PATZ1: variants seen among roughly 807,000 people sequenced by gnomAD.
The protein encoded by PATZ1 is POZ/BTB and AT hook containing zinc finger 1, also known as POZ-, AT hook-, and zinc finger-containing protein 1.
PATZ1 carries 9 observed loss-of-function variants against 46.2 expected under a neutral mutation model. The observed-to-expected ratio is 0.19, with a 90% CI of 0.12 to 0.34. The LOEUF is 0.34. Among genes scored for constraint, PATZ1 ranks in the 10% least tolerant of loss-of-function variants. The probability of loss-of-function intolerance (pLI) is 1.00; values close to 1 mark genes in which losing one functional copy is unlikely to be tolerated. For missense variants in PATZ1, 632 were observed against 923.0 expected (o/e 0.68, Z 4.08); for synonymous variants, 426 against 378.6 (o/e 1.13, Z -1.45).
chr22:31,339,277 G>A (rs1273435021), intron 2 of PATZ1, among the ~76,000 whole-genome samples: 4 of 152,136 alleles, frequency 2.6e-5, no homozygotes, highest in Non-Finnish European at 4.4e-5. Context: ...ATCTGCTGCT[G>A]GGGGAAAAAA....
At chr22:31,342,322 T>A (rs1356065232) in intron 2 of PATZ1, among the ~76,000 whole-genome samples, 2 of 152,108 alleles carry the variant, frequency 1.3e-5, no homozygotes, top group East Asian at 3.9e-4. Context: ...TGCTCTCCAG[T>A]CCTCCAGAAA....
At chr22:31,336,010 C>T in intron 2 of PATZ1, 147 bp from the exon 3 acceptor site, 1 of 692,620 alleles carries the variant, frequency 1.4e-6, no homozygotes, top group Non-Finnish European at 2.4e-6. Flanking sequence ...CTCAGGCTCC[C>T]TACCCAGAAT....
At chr22:31,332,424 C>G (rs1157535498) in intron 3 of PATZ1, among the ~76,000 whole-genome samples, 3 of 152,214 alleles carry the variant, frequency 2.0e-5, no homozygotes, top group Non-Finnish European at 4.4e-5. Flanking sequence ...GCCATCCACG[C>G]AATGGAGATG....
intron 1 of PATZ1, chr22:31,343,485 G>A: frequency 2.0e-6 from 2 of 977,070 alleles, no homozygotes; most frequent in African/African-American, 1.7e-5. Flanking sequence ...GCCTGAGCAG[G>A]TGGGCAGGGG....
chr22:31,333,737 C>T (rs1394644288), intron 3 of PATZ1, among the ~76,000 whole-genome samples: 1 of 152,196 alleles, frequency 6.6e-6, no homozygotes, highest in Admixed American at 6.5e-5. Flanking sequence ...CTCTGGTTTA[C>T]TCTTCTGGAT....
intron 3 of PATZ1, among the ~76,000 whole-genome samples, chr22:31,333,055 C>G (rs2049461671): frequency 6.6e-6 from 1 of 152,214 alleles, no homozygotes; most frequent in South Asian, 2.1e-4. Context: ...CATACACATC[C>G]TGATATGTCT....
intron 2 of PATZ1, among the ~76,000 whole-genome samples, chr22:31,340,343 T>C (rs1381566093): frequency 6.6e-6 from 1 of 152,258 alleles, no homozygotes; most frequent in Admixed American, 6.5e-5. Flanking sequence ...CGATACGGAC[T>C]GTGCCTAGCC....
chr22:31,343,167 G>A, intron 1 of PATZ1: 1 of 1,306,506 alleles, frequency 7.7e-7, no homozygotes, highest in South Asian at 1.9e-5. Flanking sequence ...TCTGGAGGGG[G>A]GAAGAGAAAT....
At chr22:31,339,765 G>A (rs1275955525) in intron 2 of PATZ1, among the ~76,000 whole-genome samples, 1 of 152,176 alleles carries the variant, frequency 6.6e-6, no homozygotes, top group Admixed American at 6.5e-5. Context: ...TCAACACTGA[G>A]CCCCAGTCCT....
In PATZ1 at chr22:31,344,571, G is replaced by A. The variant is rs1283555914; in HGVS notation, c.1032C>T (p.Gly344=). 7 of 1,614,220 alleles carry A rather than the reference G, an allele frequency of 4.3e-6. No homozygotes were observed. Among genetic ancestry groups the A allele is most frequent in the Non-Finnish European group, 5.9e-6 (7 of 1,180,042 alleles). ...NGLPISEDPD[G]PRKRSRTRKQ... is the part of the protein sequence containing the mutation. ...TCCTGGTCCGGCTCCTCTTTCGGGG[G>A]CCGTCGGGGTCTTCAGAGATGGGTA... Residue 344 remains glycine (G), a synonymous_variant, in exon 1 of 5, where the codon GGC becomes GGT. Coordinates refer to ENST00000266269, the MANE Select transcript of PATZ1 (RefSeq NM_014323.3).
chr22:31,345,637 A>T lies in PATZ1; in HGVS notation c.-35T>A, dbSNP rs1328962895. The stretch of plus-strand genomic sequence containing the variant: ...CCCCTCCCACTAGCCCGGCCGCTGC[A>T]CCTGCCCGCCCCCTCCCTTCCCCTC... On this transcript the variant is annotated 5_prime_UTR_variant, in exon 1 of 5. Transcript: ENST00000266269. This position sits in a 1 kb window ranked among gnomAD's most constrained non-coding sequence, Gnocchi z 7.4. 1.6e-5 allele frequency: 24 copies of T among 1,544,102 alleles called. No homozygotes were observed. The highest frequency in any genetic ancestry group is 2.1e-5 in the Non-Finnish European group (24 of 1,141,220).
In PATZ1 at chr22:31,345,709, G is replaced by T. The variant is rs968354583; in HGVS notation, c.-107C>A. The T allele has an allele frequency of 4.0e-5, 46 of 1,138,388 alleles. 1 individual carries two copies. The highest frequency in any genetic ancestry group is 2.1e-4 in the South Asian group (13 of 62,296). 70.5% of individuals were successfully genotyped at this position (1,138,388 alleles called of 1,614,324 possible). A position where few individuals can be genotyped will look rare whatever the true frequency, so the allele number is the denominator to read the frequency against. ...GCAGACGTGTCCACACTCCCCACACGTGCCGGCCCGAGGCTCTGTAGTCTC... is the reference window on the plus strand; with the variant it reads ...GCAGACGTGTCCACACTCCCCACACTTGCCGGCCCGAGGCTCTGTAGTCTC... On this transcript the variant is annotated 5_prime_UTR_variant, in exon 1 of 5. Transcript: ENST00000266269. The surrounding 1 kb of genome is among the most constrained non-coding windows in gnomAD (Gnocchi z 7.4).
At position 31,327,960 on chromosome 22, in the gene PATZ1, C is replaced by T. The variant is rs367567479; in HGVS notation, c.1646-651G>A. Among the ~76,000 whole-genome samples, 124 of 152,352 alleles carry T rather than the reference C, an allele frequency of 8.1e-4. No individual in the cohort carries two copies. The highest frequency in any genetic ancestry group is 4.6e-3 in the South Asian group (22 of 4,834). On this transcript the variant is annotated intron_variant, in intron 4 of 4. Coordinates refer to ENST00000266269, the MANE Select transcript of PATZ1 (RefSeq NM_014323.3). This position sits in a 1 kb window ranked among gnomAD's most constrained non-coding sequence, Gnocchi z 4.2. ...CTACTCAGTCGGCTGGGTGTCCCCA[C>T]CCTAGGCCCCAGACAAGCTGGGCCA...
In PATZ1 at chr22:31,344,518, T is replaced by C. The variant is rs779306937; in HGVS notation, c.1085A>G (p.Lys362Arg). 2 of 1,614,214 alleles carry C rather than the reference T, an allele frequency of 1.2e-6. No individual in the cohort carries two copies. The highest frequency in any genetic ancestry group is 1.7e-6 in the Non-Finnish European group (2 of 1,180,034). The change falls in exon 1 of 5, where the codon AAG (lysine) becomes AGG (arginine). Residue 362 changes from lysine (K) to arginine (R), a missense_variant. By Grantham distance (26) the Lys-to-Arg change is conservative. Transcript: ENST00000266269. Reference sequence around the variant, plus strand: ...AAGATGATACACATCACGGAAGATCTTGCCGCAGATCTCACAAGCCACCTG... The same window carrying C: ...AAGATGATACACATCACGGAAGATCCTGCCGCAGATCTCACAAGCCACCTG... ...RKQVACEICG[K>R]IFRDVYHLNR...
intron 3 of PATZ1, among the ~76,000 whole-genome samples, chr22:31,333,354 G>C (rs1053392933): frequency 1.3e-5 from 2 of 152,096 alleles, no homozygotes; most frequent in East Asian, 3.8e-4. Context: ...TCGTTTATTC[G>C]TGCAACCCCT....
In PATZ1 at chr22:31,326,211, A is replaced by G. The variant is rs192645035; in HGVS notation, c.*680T>C. ...AATTAGAGAATTAAAACCCAACAGCATGTTGAATGGTTAAAATCACGTAAG... is the reference window on the plus strand; with the variant it reads ...AATTAGAGAATTAAAACCCAACAGCGTGTTGAATGGTTAAAATCACGTAAG... On this transcript the variant is annotated 3_prime_UTR_variant, in exon 5 of 5. Transcript: ENST00000266269. 6 of 225,842 alleles carry G rather than the reference A, an allele frequency of 2.7e-5. No homozygotes were observed. The East Asian group carries it at 3.2e-4, about 12-fold the overall frequency. The allele number at this position is 225,842 out of a possible 1,614,324, so 14.0% of individuals were successfully genotyped here.
chr22:31,330,756 T>C (rs1003376382), intron 3 of PATZ1, among the ~76,000 whole-genome samples: 4 of 152,228 alleles, frequency 2.6e-5, no homozygotes, highest in Admixed American at 6.5e-5. Flanking sequence ...CCAGCATAAA[T>C]GGGTTAATTG....
In PATZ1 at chr22:31,345,880, T is replaced by G; in HGVS notation, c.-278A>C. The stretch of plus-strand genomic sequence containing the variant: ...GCCCGCCCGCCTCCCCTTCCCGGTC[T>G]ACCTTCCGGGGGGGTGCGCGAGCGA... On this transcript the variant is annotated 5_prime_UTR_variant, in exon 1 of 5. Transcript: ENST00000266269. The surrounding 1 kb of genome is among the most constrained non-coding windows in gnomAD (Gnocchi z 7.4). The G allele has an allele frequency of 1.1e-5, 4 of 369,470 alleles. No homozygotes were observed. Among genetic ancestry groups the G allele is most frequent in the East Asian group, 8.1e-5 (2 of 24,610 alleles). The allele number at this position is 369,470 out of a possible 1,614,324, so 22.9% of individuals were successfully genotyped here.
rs1472667384 is a variant in PATZ1, at chr22:31,327,769, C to G, written c.1646-460G>C. 2.6e-5 allele frequency among the ~76,000 whole-genome samples: 4 copies of G among 152,188 alleles called. No homozygotes were observed. Among genetic ancestry groups the G allele is most frequent in the Non-Finnish European group, 1.5e-5 (1 of 68,032 alleles). ...CTGCACCCTAGCAAGACAGGCAGAACCAGAGCCATTAGGTCCTCAACCTGG... is the reference window on the plus strand; with the variant it reads ...CTGCACCCTAGCAAGACAGGCAGAAGCAGAGCCATTAGGTCCTCAACCTGG... On this transcript the variant is annotated intron_variant, in intron 4 of 4. Coordinates refer to ENST00000266269, the MANE Select transcript of PATZ1 (RefSeq NM_014323.3). The surrounding 1 kb of genome is among the most constrained non-coding windows in gnomAD (Gnocchi z 4.2).
Sources: gnomAD v4.1 joint callset for allele counts (sites outside exome capture counted in the v4.1 genomes callset) on GRCh38, gnomAD v4.1.1 for gene constraint, Gnocchi (gnomAD v3.1) non-coding constraint, MANE v1.5 for transcripts, NCBI Gene and HGNC (gene_info 2026-07-23, HGNC 2026-07-21) for gene names.